MAP4K3: variants seen among roughly 807,000 people sequenced by gnomAD.
MAP4K3 encodes mitogen-activated protein kinase kinase kinase kinase 3, also known as MAPK/ERK kinase kinase kinase 3.
MAP4K3 carries 94 observed loss-of-function variants against 143.5 expected under a neutral mutation model. That is an observed-to-expected ratio of 0.65 (90% CI 0.55 to 0.78). MAP4K3 has a LOEUF of 0.78. MAP4K3 is among the 30% of genes least tolerant of loss of function. MAP4K3 has a pLI of 0.00. For missense variants in MAP4K3, 1,077 were observed against 1,068.1 expected, an observed-to-expected ratio of 1.01 and a Z score of -0.12; for synonymous variants, 416 against 347.2, an observed-to-expected ratio of 1.20 and a Z score of -2.20.
At position 39,257,385 on chromosome 2, in the gene MAP4K3, G is replaced by T. The variant is rs141450144; in HGVS notation, c.2470+963C>A. 5.8e-3 allele frequency among the ~76,000 whole-genome samples: 877 copies of T among 152,246 alleles called. 9 individuals carry two copies. Among genetic ancestry groups the T allele is most frequent in the African/African-American group, 0.02 (821 of 41,532 alleles). ...CTTCCATATACTTAAAATTCTCTGA[G>T]CAGCAGACACAACAGCCAAAACATA... On this transcript the variant is annotated intron_variant, in intron 31 of 33. Transcript: ENST00000263881.
At chr2:39,317,486 T>C (rs1195729312) in intron 12 of MAP4K3, among the ~76,000 whole-genome samples, 1 of 151,972 alleles carries the variant, frequency 6.6e-6, no homozygotes, top group Non-Finnish European at 1.5e-5. Context: ...ACCCACAGAA[T>C]AGGAGAAAAT....
intron 13 of MAP4K3, among the ~76,000 whole-genome samples, chr2:39,312,267 C>T (rs1682966273): frequency 6.6e-6 from 1 of 152,068 alleles, no homozygotes; most frequent in Non-Finnish European, 1.5e-5. Context: ...TTTATTTCCA[C>T]AGCTCATTAT....
At chr2:39,319,960 C>A (rs1683250477) in intron 12 of MAP4K3, among the ~76,000 whole-genome samples, 1 of 152,156 alleles carries the variant, frequency 6.6e-6, no homozygotes, top group Non-Finnish European at 1.5e-5. Flanking sequence ...GTCCCCAATT[C>A]TTTGACCATT....
chr2:39,422,290 C>A (rs992237879), intron 1 of MAP4K3, among the ~76,000 whole-genome samples: 2 of 152,050 alleles, frequency 1.3e-5, no homozygotes, highest in Non-Finnish European at 2.9e-5. Flanking sequence ...AGCAATTATA[C>A]CCTCCTAACT....
intron 15 of MAP4K3, among the ~76,000 whole-genome samples, chr2:39,305,419 A>C (rs1260156508): frequency 6.6e-6 from 1 of 152,178 alleles, no homozygotes; most frequent in Non-Finnish European, 1.5e-5. Flanking sequence ...TTAGCTAAAG[A>C]CTAACGAATT....
At chr2:39,395,342 C>A (rs1666777090) in intron 1 of MAP4K3, among the ~76,000 whole-genome samples, 1 of 151,964 alleles carries the variant, frequency 6.6e-6, no homozygotes, top group Non-Finnish European at 1.5e-5. Context: ...CACACACACA[C>A]ACACACACAC....
chr2:39,436,905 C>G lies in MAP4K3; in HGVS notation c.83G>C (p.Gly28Ala). 1 of 1,611,266 alleles carries G rather than the reference C, an allele frequency of 6.2e-7. No individual in the cohort carries two copies. The highest frequency in any genetic ancestry group is 8.5e-7 in the Non-Finnish European group (1 of 1,179,118). Residue 28 changes from glycine (G) to alanine (A), a missense_variant, in exon 1 of 34, where the codon GGC (glycine) becomes GCC (alanine). Coordinates refer to ENST00000263881, the MANE Select transcript of MAP4K3 (RefSeq NM_003618.4). The stretch of plus-strand genomic sequence containing the variant: ...CCCTGCCTTTACCTTGTAGACGTCG[C>G]CGTAGGTGCCGCTGCCGATGCGCTG... ...LIQRIGSGTY[G>A]DVYKARNVNT...
At chr2:39,281,572 A>G (rs1681528007) in intron 22 of MAP4K3, among the ~76,000 whole-genome samples, 2 of 152,120 alleles carry the variant, frequency 1.3e-5, no homozygotes, top group Admixed American at 1.3e-4. Flanking sequence ...AACGAAGAAC[A>G]AAACAATCAA....
At chr2:39,428,961 G>C (rs376825062) in intron 1 of MAP4K3, among the ~76,000 whole-genome samples, 3 of 151,320 alleles carry the variant, frequency 2.0e-5, no homozygotes, top group Admixed American at 6.6e-5. Context: ...CCAGCTACTC[G>C]GGAGGCTGAG....
At chr2:39,320,728 T>C (rs777906365) in intron 12 of MAP4K3, among the ~76,000 whole-genome samples, 21 of 152,214 alleles carry the variant, frequency 1.4e-4, no homozygotes, top group Non-Finnish European at 8.8e-5. Context: ...TGCAGCTCCA[T>C]ACTCACACTA....
intron 1 of MAP4K3, among the ~76,000 whole-genome samples, chr2:39,405,812 C>T (rs1471205151): frequency 6.6e-6 from 1 of 152,172 alleles, no homozygotes; most frequent in Admixed American, 6.5e-5. Context: ...GTAGAGGTTA[C>T]AGTGAGCCGA....
chr2:39,307,178 G>C (rs1312338381), intron 15 of MAP4K3, among the ~76,000 whole-genome samples: 1 of 152,152 alleles, frequency 6.6e-6, no homozygotes, highest in Non-Finnish European at 1.5e-5. Flanking sequence ...TTAAAAGTCA[G>C]AAAAGTAGAA....
chr2:39,262,579 G>C (rs1680611971), intron 28 of MAP4K3, among the ~76,000 whole-genome samples: 1 of 152,028 alleles, frequency 6.6e-6, no homozygotes, highest in Non-Finnish European at 1.5e-5. Context: ...AAACACAACA[G>C]ATTTTGATTA....
chr2:39,320,902 T>A (rs1399291398), intron 12 of MAP4K3, among the ~76,000 whole-genome samples: 1 of 152,174 alleles, frequency 6.6e-6, no homozygotes, highest in Non-Finnish European at 1.5e-5. Context: ...GCTCTAAGTC[T>A]TAGATTCAAT....
At chr2:39,290,457 G>A (rs1305038316) in intron 18 of MAP4K3, 123 bp from the exon 19 acceptor site, 2 of 634,316 alleles carry the variant, frequency 3.2e-6, no homozygotes, top group Non-Finnish European at 2.7e-6. Flanking sequence ...TTCTAAGATT[G>A]TAAGTTTTTT....
Position 39,325,824 on chromosome 2 carries a change from G to T in MAP4K3, c.726-13C>A. On this transcript the variant is annotated splice_polypyrimidine_tract_variant and intron_variant, in intron 10 of 33. Transcript: ENST00000263881. ...AAAACTATTTGACCTAAGAAATTTA[G>T]AAAATTAGACTTTTACATTCCAATT... The T allele has an allele frequency of 6.3e-7, 1 of 1,588,900 alleles. No individual in the cohort carries two copies. Among genetic ancestry groups the T allele is most frequent in the Non-Finnish European group, 8.6e-7 (1 of 1,167,218 alleles).
intron 1 of MAP4K3, among the ~76,000 whole-genome samples, chr2:39,391,120 C>G (rs1262800972): frequency 6.6e-6 from 1 of 151,890 alleles, no homozygotes; most frequent in African/African-American, 2.4e-5. Context: ...CTTTGGGAGG[C>G]CAAGGCAGGC....
intron 24 of MAP4K3, among the ~76,000 whole-genome samples, chr2:39,277,489 T>A (rs769108475): frequency 9.9e-5 from 15 of 152,214 alleles, no homozygotes; most frequent in Non-Finnish European, 2.1e-4. Context: ...GTTTTCCCTA[T>A]TAGATCATGA....
intron 24 of MAP4K3, among the ~76,000 whole-genome samples, chr2:39,274,608 G>A (rs1681172256): frequency 6.6e-6 from 1 of 152,176 alleles, no homozygotes; most frequent in Non-Finnish European, 1.5e-5. Context: ...GGTTCTAGGT[G>A]AAATGATCAG....
Sources: gnomAD v4.1 joint callset for allele counts (sites outside exome capture counted in the v4.1 genomes callset) on GRCh38, gnomAD v4.1.1 for gene constraint, MANE v1.5 for transcripts, NCBI Gene and HGNC (gene_info 2026-07-23, HGNC 2026-07-21) for gene names.